The following CACNA1I variants were observed in gnomAD, a reference collection of about 807,000 sequenced individuals.
The protein encoded by CACNA1I is voltage-dependent T-type calcium channel subunit alpha-1I.
A neutral mutation model predicts 201.6 loss-of-function variants in CACNA1I; 74 were observed. The ratio of observed to expected loss-of-function variants is 0.37; its 90% CI spans 0.30 to 0.45. The LOEUF (loss-of-function observed/expected upper bound fraction) is 0.45. Among genes scored for constraint, CACNA1I ranks in the 20% least tolerant of loss-of-function variants. The pLI is 1.00. For synonymous variants in CACNA1I, 1,431 were observed against 1,345.2 expected (o/e 1.06, Z -1.40); for missense variants, 2,346 against 3,138.1 (o/e 0.75, Z 6.03).
At chr22:39,623,726 GA>G in intron 4 of CACNA1I, among the ~76,000 whole-genome samples, 1 of 149,488 alleles carries the variant, frequency 6.7e-6, no homozygotes, top group South Asian at 2.1e-4. Context: ...GGTGTGTTAT[GA>G]AAGTATGCGT....
In CACNA1I at chr22:39,629,517, A is replaced by G. The variant is rs1042798071; in HGVS notation, c.581-5048A>G. ...CCCCACCATCTTCCGGTTTATCACA[A>G]TGATGAATGTATGACGGCCAGGCAG... On this transcript the variant is annotated intron_variant, in intron 4 of 36. Transcript: ENST00000402142. This position sits in a 1 kb window ranked among gnomAD's most constrained non-coding sequence, Gnocchi z 4.8. Among the ~76,000 whole-genome samples the G allele has an allele frequency of 4.8e-4, 69 of 142,910 alleles. No homozygotes were observed. Among genetic ancestry groups the G allele is most frequent in the Middle Eastern group, 3.5e-3 (1 of 282 alleles). The allele number at this position is 142,910 out of a possible 152,430, so 93.8% of individuals were successfully genotyped here.
chr22:39,662,987 A>G, intron 18 of CACNA1I, 111 bp downstream of exon 18: 1 of 739,400 alleles, frequency 1.4e-6, no homozygotes, highest in East Asian at 2.7e-5. Context: ...ACCACAGCGG[A>G]CCCTCCCGGC....
In CACNA1I at chr22:39,661,502, C is replaced by A. The variant is rs548804838; in HGVS notation, c.2901+192C>A. Among the ~76,000 whole-genome samples the A allele has an allele frequency of 2.1e-4, 32 of 152,308 alleles. No homozygotes were observed. The East Asian group carries it at 5.8e-3, about 28-fold the overall frequency. On this transcript the variant is annotated intron_variant, in intron 16 of 36. Coordinates refer to ENST00000402142, the MANE Select transcript of CACNA1I (RefSeq NM_021096.4). Reference sequence around the variant, plus strand: ...CTGGCAATAAGGAACGAATGAAGGCCTAGTGCCAGTGGGGTCTGGTGCAGA... The same window carrying A: ...CTGGCAATAAGGAACGAATGAAGGCATAGTGCCAGTGGGGTCTGGTGCAGA...
intron 3 of CACNA1I, among the ~76,000 whole-genome samples, chr22:39,607,900 G>GGT (rs1305177181): frequency 6.7e-6 from 1 of 150,022 alleles, no homozygotes; most frequent in South Asian, 2.1e-4. Flanking sequence ...CAAGGCGGGG[G>GGT]GGGGTCACCT....
chr22:39,609,849 G>A (rs77221970), intron 3 of CACNA1I, among the ~76,000 whole-genome samples: 6,639 of 152,276 alleles, frequency 0.044, 211 homozygotes, highest in Non-Finnish European at 0.064. Flanking sequence ...TGCCAAAGCC[G>A]TGGCTCTACC....
rs1935837927 is a variant in CACNA1I, at chr22:39,685,624, G to T, written c.6028-137G>T. ...TGACGCCGCCTAAGCTGGACGTGCG[G>T]AGGGGAGAAGCCCTGCTCCGAAGGG... On this transcript the variant is annotated intron_variant, in intron 36 of 36. Transcript: ENST00000402142. The surrounding 1 kb of genome is among the most constrained non-coding windows in gnomAD (Gnocchi z 5.0). The T allele has an allele frequency of 7.1e-6, 5 of 703,036 alleles. No homozygotes were observed. The East Asian group carries it at 1.7e-4, about 24-fold the overall frequency. The allele number at this position is 703,036 out of a possible 1,614,324, so 43.5% of individuals were successfully genotyped here. A position where few individuals can be genotyped will look rare whatever the true frequency, so the allele number is the denominator to read the frequency against.
chr22:39,636,744 G>C (rs1020069617), intron 5 of CACNA1I, among the ~76,000 whole-genome samples: 3 of 152,210 alleles, frequency 2.0e-5, no homozygotes, highest in African/African-American at 7.2e-5. Context: ...CTAGGATCTT[G>C]GGGAACCAGG....
At chr22:39,657,469 C>T (rs892476319) in intron 10 of CACNA1I, among the ~76,000 whole-genome samples, 34 of 152,162 alleles carry the variant, frequency 2.2e-4, no homozygotes, top group Admixed American at 7.9e-4. Flanking sequence ...TCATGGGGCA[C>T]GATGTCCCCA....
At chr22:39,656,951 C>T (rs2146441850) in intron 10 of CACNA1I, among the ~76,000 whole-genome samples, 1 of 152,282 alleles carries the variant, frequency 6.6e-6, no homozygotes, top group South Asian at 2.1e-4. Flanking sequence ...TCATCAGTCC[C>T]AGGGGAGCCG....
At chr22:39,672,672 A>T (rs1935406605) in intron 27 of CACNA1I, among the ~76,000 whole-genome samples, 1 of 152,144 alleles carries the variant, frequency 6.6e-6, no homozygotes, top group Admixed American at 6.5e-5. Flanking sequence ...TCAAGATTAG[A>T]CTTGGAAGTC....
intron 32 of CACNA1I, 56 bp from the exon 33 acceptor site, chr22:39,679,666 G>C: frequency 6.7e-7 from 1 of 1,499,368 alleles, no homozygotes; most frequent in Non-Finnish European, 9.0e-7. Context: ...CCACCCCACA[G>C]CCCCGGGACC....
At chr22:39,628,434 C>T (rs920414658) in intron 4 of CACNA1I, among the ~76,000 whole-genome samples, 2 of 151,984 alleles carry the variant, frequency 1.3e-5, no homozygotes, top group Non-Finnish European at 2.9e-5. Flanking sequence ...TGGTTTGGGG[C>T]ACAGCAGGTG....
chr22:39,612,121 T>TG (rs1328915712), intron 3 of CACNA1I, among the ~76,000 whole-genome samples: 5 of 152,114 alleles, frequency 3.3e-5, no homozygotes, highest in Admixed American at 3.3e-4. Context: ...GATGGATTAA[T>TG]GCCATTATTG....
chr22:39,684,642 T>TGGGGTGAC lies in CACNA1I; in HGVS notation c.6027+146_6027+153dup. ...ACCGTGCAAGGGGGTTTGGGAACGC[T>TGGGGTGAC]GGGGTGACGCTGAGACTGGAGGGGG... is the stretch of plus-strand genomic sequence containing the variant. On this transcript the variant is annotated intron_variant, in intron 36 of 36. Transcript: ENST00000402142. This position sits in a 1 kb window ranked among gnomAD's most constrained non-coding sequence, Gnocchi z 4.6. The TGGGGTGAC allele has an allele frequency of 1.3e-6, 1 of 743,814 alleles. No individual in the cohort carries two copies. Among genetic ancestry groups the TGGGGTGAC allele is most frequent in the African/African-American group, 1.9e-5 (1 of 51,454 alleles). 46.1% of individuals were successfully genotyped at this position (743,814 alleles called of 1,614,324 possible). A position where few individuals can be genotyped will look rare whatever the true frequency, so the allele number is the denominator to read the frequency against.
chr22:39,682,778 G>T, intron 35 of CACNA1I, 117 bp downstream of exon 35: 1 of 817,598 alleles, frequency 1.2e-6, no homozygotes. Context: ...ATTTAGTCCA[G>T]AAAGAACCAG....
In CACNA1I at chr22:39,659,447, A is replaced by G; in HGVS notation, c.2345A>G (p.His782Arg). The change falls in exon 13 of 37, where the codon CAT becomes CGT. Residue 782 changes from histidine (H) to arginine (R), a missense_variant. Physicochemically the swap from His to Arg is conservative, Grantham distance 29. Coordinates refer to ENST00000402142, the MANE Select transcript of CACNA1I (RefSeq NM_021096.4). The surrounding 1 kb of genome is among the most constrained non-coding windows in gnomAD (Gnocchi z 4.3). ...FIFIFSILGM[H>R]IFGCKFSLRT... ...CCTTTCCCCAGCATCCTTGGGATGC[A>G]TATTTTTGGCTGCAAGTTCAGCCTC... 1 of 1,560,458 alleles carries G rather than the reference A, an allele frequency of 6.4e-7. No homozygotes were observed. The highest frequency in any genetic ancestry group is 8.7e-7 in the Non-Finnish European group (1 of 1,151,064).
intron 1 of CACNA1I, among the ~76,000 whole-genome samples, chr22:39,593,654 A>G (rs975389495): frequency 2.0e-5 from 3 of 152,136 alleles, no homozygotes; most frequent in Admixed American, 1.3e-4. Flanking sequence ...ATGGGGAGCC[A>G]TGGGAGGTTC....
At position 39,646,721 on chromosome 22, in the gene CACNA1I, C is replaced by T. The variant is rs749389415; in HGVS notation, c.1302C>T (p.Cys434=). 1 of 1,597,622 alleles carries T rather than the reference C, an allele frequency of 6.3e-7. No homozygotes were observed. The highest frequency in any genetic ancestry group is 8.5e-7 in the Non-Finnish European group (1 of 1,172,444). Residue 434 remains cysteine (C), a synonymous_variant, in exon 8 of 37, where the codon TGC becomes TGT. Coordinates refer to ENST00000402142, the MANE Select transcript of CACNA1I (RefSeq NM_021096.4). ...CCAGCTACGCCGAGCCTGGCGACTG[C>T]TACGAGGAGATCTTCCAGTATGTCT... ...TVASYAEPGD[C]YEEIFQYVCH... is the part of the protein sequence containing the mutation.
In CACNA1I at chr22:39,685,431, G is replaced by A. The variant is rs1051166610; in HGVS notation, c.6028-330G>A. Among the ~76,000 whole-genome samples, 3 of 151,642 alleles carry A rather than the reference G, an allele frequency of 2.0e-5. No individual in the cohort carries two copies. The highest frequency in any genetic ancestry group is 6.5e-5 in the Admixed American group (1 of 15,270). On this transcript the variant is annotated intron_variant, in intron 36 of 36. Transcript: ENST00000402142. This position sits in a 1 kb window ranked among gnomAD's most constrained non-coding sequence, Gnocchi z 5.0. The stretch of plus-strand genomic sequence containing the variant: ...GGCTGGGGCCGCGTCAGACCATGGG[G>A]GGTGCGGTGGGGGTGCCACGTGCCC...
Sources: allele counts gnomAD v4.1 joint callset (sites outside exome capture counted in the v4.1 genomes callset), GRCh38; gene constraint gnomAD v4.1.1; non-coding constraint Gnocchi (gnomAD v3.1); transcripts MANE v1.5; gene names NCBI Gene and HGNC (gene_info 2026-07-23, HGNC 2026-07-21).